SAMD5: variants seen among roughly 807,000 people sequenced by gnomAD.
The protein encoded by SAMD5 is sterile alpha motif domain-containing protein 5.
Under a neutral mutation model 11.3 loss-of-function variants are expected in SAMD5, and 13 were observed. That is an observed-to-expected ratio of 1.15 (90% CI 0.75 to 1.83). The LOEUF is 1.83. Among genes scored for constraint, SAMD5 ranks in the 40% most tolerant of loss-of-function variants. SAMD5 has a pLI of 0.00. For synonymous variants in SAMD5, 129 were observed against 111.3 expected (o/e 1.16, Z -1.00); for missense variants, 255 against 239.1 (o/e 1.07, Z -0.44).
chr6:147,723,153 C>T (rs1386626197), intron 1 of SAMD5, among the ~76,000 whole-genome samples: 1 of 152,222 alleles, frequency 6.6e-6, no homozygotes, highest in Non-Finnish European at 1.5e-5. Flanking sequence ...ATGATCCATC[C>T]TCAGTCTCAG....
At chr6:147,850,737 G>A in the SAMD5 span, among the ~76,000 whole-genome samples, 2 of 151,922 alleles carry the variant, frequency 1.3e-5, no homozygotes. Context: ...ATCCCACCCT[G>A]TACTGCCCAA....
rs1275533008 is a variant in SAMD5, at chr6:147,711,843, G to A, written c.163-25474G>A. On this transcript the variant is annotated intron_variant, in intron 1 of 1. Coordinates refer to the SAMD5 transcript ENST00000566741. The surrounding 1 kb of genome is among the most constrained non-coding windows in gnomAD (Gnocchi z 4.1). ...GATGACATTAGTAACAGTGTCAAATGTCATGAATGGCTAATTGCTTGCCAA... is the reference window on the plus strand; with the variant it reads ...GATGACATTAGTAACAGTGTCAAATATCATGAATGGCTAATTGCTTGCCAA... Among the ~76,000 whole-genome samples the A allele has an allele frequency of 2.0e-5, 3 of 152,162 alleles. No individual in the cohort carries two copies. The highest frequency in any genetic ancestry group is 6.6e-5 in the Admixed American group (1 of 15,260).
At chr6:147,540,868 T>C in intron 1 of SAMD5, among the ~76,000 whole-genome samples, 1 of 150,454 alleles carries the variant, frequency 6.6e-6, no homozygotes, top group Non-Finnish European at 1.5e-5. Flanking sequence ...TGCAGCTTCC[T>C]GAAGAATGGA....
the SAMD5 span, among the ~76,000 whole-genome samples, chr6:147,794,417 T>C: frequency 3.9e-5 from 6 of 152,170 alleles, no homozygotes; most frequent in African/African-American, 1.4e-4. Context: ...ATTTCTTTAA[T>C]TATTACTTAA....
At chr6:147,829,597 A>G in the SAMD5 span, among the ~76,000 whole-genome samples, 1 of 152,182 alleles carries the variant, frequency 6.6e-6, no homozygotes, top group African/African-American at 2.4e-5. Flanking sequence ...ATATACGTGA[A>G]TATTACATGC....
the SAMD5 span, among the ~76,000 whole-genome samples, chr6:147,912,008 G>C: frequency 2.6e-5 from 4 of 152,210 alleles, no homozygotes; most frequent in Non-Finnish European, 4.4e-5. Context: ...ACTCTCAAAA[G>C]AGTGTGTGCA....
At chr6:147,737,323 T>C (rs1791819015) in exon 2 of SAMD5, 1 of 1,245,622 alleles carries the variant, frequency 8.0e-7, no homozygotes, top group Non-Finnish European at 1.0e-6. Flanking sequence ...CCAGGTATTA[T>C]TATGCCGCTA....
the SAMD5 span, among the ~76,000 whole-genome samples, chr6:147,921,764 C>A: frequency 6.6e-6 from 1 of 152,148 alleles, no homozygotes; most frequent in Non-Finnish European, 1.5e-5. Flanking sequence ...TGGCCTGTTG[C>A]CCATGGTGCT....
chr6:147,690,486 T>C (rs1031186543), intron 1 of SAMD5, among the ~76,000 whole-genome samples: 1 of 152,014 alleles, frequency 6.6e-6, no homozygotes, highest in African/African-American at 2.4e-5. Flanking sequence ...TTGTGTCTAC[T>C]AAAAATGCAA....
chr6:147,569,793 G>A lies in SAMD5; in HGVS notation c.*5337G>A. The A allele has an allele frequency of 7.1e-6, 7 of 985,396 alleles. No homozygotes were observed. Among genetic ancestry groups the A allele is most frequent in the African/African-American group, 1.7e-5 (1 of 57,368 alleles). The allele number at this position is 985,396 out of a possible 1,614,324, so 61.0% of individuals were successfully genotyped here. A position where few individuals can be genotyped will look rare whatever the true frequency, so the allele number is the denominator to read the frequency against. On this transcript the variant is annotated 3_prime_UTR_variant, in exon 2 of 2. Coordinates refer to ENST00000367474, the MANE Select transcript of SAMD5 (RefSeq NM_001030060.3). ...ATCTACATGTGTATATCTGAGTAGC[G>A]AAGCACAGATTCACTCTAATTGAAA...
At chr6:147,745,994 G>A in the SAMD5 span, among the ~76,000 whole-genome samples, 6 of 151,926 alleles carry the variant, frequency 3.9e-5, no homozygotes, top group Non-Finnish European at 5.9e-5. Context: ...TGCGCTTCTC[G>A]GCCTCCCAGG....
intron 1 of SAMD5, among the ~76,000 whole-genome samples, chr6:147,511,098 A>G (rs1192152467): frequency 6.6e-6 from 1 of 152,222 alleles, no homozygotes; most frequent in African/African-American, 2.4e-5. Flanking sequence ...TCCTGGCAAG[A>G]AAGGAATGCA....
At chr6:147,719,286 T>C (rs1791513716) in intron 1 of SAMD5, among the ~76,000 whole-genome samples, 1 of 152,196 alleles carries the variant, frequency 6.6e-6, no homozygotes, top group Admixed American at 6.5e-5. Context: ...AGTACTTCTT[T>C]TTTTTCTTGC....
intron 1 of SAMD5, among the ~76,000 whole-genome samples, chr6:147,696,164 C>G (rs1380536122): frequency 6.6e-6 from 1 of 152,082 alleles, no homozygotes; most frequent in East Asian, 1.9e-4. Flanking sequence ...CAACCCCCTC[C>G]CCCAACTCCA....
chr6:147,512,641 T>C (rs1048574520), intron 1 of SAMD5, among the ~76,000 whole-genome samples: 5 of 152,210 alleles, frequency 3.3e-5, no homozygotes, highest in African/African-American at 7.2e-5. Flanking sequence ...TCAAACATCA[T>C]TGGAAGAGTT....
chr6:147,762,806 G>A, the SAMD5 span, among the ~76,000 whole-genome samples: 2 of 152,136 alleles, frequency 1.3e-5, no homozygotes, highest in East Asian at 3.9e-4. Flanking sequence ...AATAGTTCAT[G>A]TAAAATAGTG....
downstream of SAMD5, among the ~76,000 whole-genome samples, chr6:147,570,671 CAT>C (rs1789123424): frequency 6.6e-6 from 1 of 152,046 alleles, no homozygotes; most frequent in African/African-American, 2.4e-5. Flanking sequence ...TAAATCAAAT[CAT>C]GTGCATGTTT....
At chr6:147,537,721 C>A (rs10872594) in intron 1 of SAMD5, among the ~76,000 whole-genome samples, 73,586 of 150,628 alleles carry the variant, frequency 0.49, 18,613 homozygotes, top group East Asian at 0.67. Context: ...CACTCACTGC[C>A]CTCCAGCCTG....
At chr6:147,604,577 G>T (rs139017172) in intron 1 of SAMD5, among the ~76,000 whole-genome samples, 1 of 152,298 alleles carries the variant, frequency 6.6e-6, no homozygotes, top group African/African-American at 2.4e-5. Context: ...TTCAATTCTG[G>T]TTTTCAAGAA....
Sources: allele counts gnomAD v4.1 joint callset (sites outside exome capture counted in the v4.1 genomes callset), GRCh38; gene constraint gnomAD v4.1.1; non-coding constraint Gnocchi (gnomAD v3.1); transcripts MANE v1.5; gene names NCBI Gene and HGNC (gene_info 2026-07-23, HGNC 2026-07-21).